ARSD: variants seen among roughly 807,000 people sequenced by gnomAD.
The protein encoded by ARSD is arylsulfatase D, also known as testis tissue sperm-binding protein Li 39a.
In ARSD, 21 loss-of-function variants were observed where a neutral mutation model predicts 32.6. The observed-to-expected ratio is 0.64, with a 90% CI of 0.46 to 0.93. The LOEUF is 0.93. ARSD is among the 40% of genes least tolerant of loss of function. ARSD has a pLI of 0.00. For missense variants in ARSD, 454 were observed against 520.9 expected (o/e 0.87, Z 1.25); for synonymous variants, 224 against 237.4 (o/e 0.94, Z 0.52).
rs762455762 is a variant in ARSD, at chrX:2,907,415, G to A, written c.1638C>T (p.Ala546=). The stretch of plus-strand genomic sequence containing the variant: ...GGGTCTGCCGATGCTCCGACACCGC[G>A]GCACCTACCCTTGCTATCACGGCGT... ...LYHAVIARVG[A]AVSEHRQTLS... Residue 546 remains alanine, a synonymous_variant, in exon 10 of 10, where the codon GCC becomes GCT. Coordinates refer to ENST00000381154, the MANE Select transcript of ARSD (RefSeq NM_001669.4). The A allele has an allele frequency of 1.2e-5, 15 of 1,210,563 alleles. No homozygotes were observed. The highest frequency in any genetic ancestry group is 4.4e-5 in the Admixed American group (2 of 45,897).
chrX:2,920,722 G>T lies in ARSD; in HGVS notation c.318C>A (p.Gly106=). The change falls in exon 4 of 10, where the codon GGC becomes GGA. Residue 106 remains glycine (G), a splice_region_variant and synonymous_variant. Coordinates refer to ENST00000381154, the MANE Select transcript of ARSD (RefSeq NM_001669.4). ...CCCGGTATCCATTGCTGGCGTCCAT[G>T]CCTGTGGGGCAGAGAAGACAGGAAG... The part of the protein sequence containing the change: ...FLTGRHSFRS[G]MDASNGYRAL... 1 of 1,210,506 alleles carries T rather than the reference G, an allele frequency of 8.3e-7. No homozygotes were observed. The highest frequency in any genetic ancestry group is 1.1e-6 in the Non-Finnish European group (1 of 894,801).
chrX:2,919,573 G>A (rs1480402527), intron 4 of ARSD, among the ~76,000 whole-genome samples: 2 of 111,808 alleles, frequency 1.8e-5, no homozygotes, highest in Admixed American at 9.5e-5. Context: ...AAGATTCCCC[G>A]TGGCTGGTGT....
At chrX:2,908,653 T>TCCAC in intron 9 of ARSD, 68 bp downstream of exon 9, 1 of 1,028,313 alleles carries the variant, frequency 9.7e-7, no homozygotes, top group Non-Finnish European at 1.3e-6. Context: ...CATCCATCCA[T>TCCAC]CCACATATCC....
chrX:2,928,543 G>A (rs1282919803), intron 1 of ARSD, among the ~76,000 whole-genome samples: 3 of 96,920 alleles, frequency 3.1e-5, no homozygotes, highest in Non-Finnish European at 4.2e-5. Flanking sequence ...AAGAGGCGGG[G>A]GGCGGGAAGG....
At chrX:2,917,774 T>C in intron 5 of ARSD, 30 bp downstream of exon 5, 4 of 1,181,194 alleles carry the variant, frequency 3.4e-6, no homozygotes, top group South Asian at 3.8e-5. Context: ...TCCGGCCCCA[T>C]CTCCTCTTTA....
rs2088843494 is a variant in ARSD at position 2,905,120 on chromosome X, G to A, written c.*2151C>T. The A allele has an allele frequency of 6.0e-6, 2 of 332,826 alleles. No homozygotes were observed. The highest frequency in any genetic ancestry group is 9.9e-5 in the East Asian group (1 of 10,090). The allele number at this position is 332,826 out of a possible 1,213,427, so 27.4% of individuals were successfully genotyped here. Reference sequence around the variant, plus strand: ...AGGGGCATCAGCTGCCTGGTTAGCAGGGCTGTGATGATTCTTCTACCTATG... The same window carrying A: ...AGGGGCATCAGCTGCCTGGTTAGCAAGGCTGTGATGATTCTTCTACCTATG... On this transcript the variant is annotated 3_prime_UTR_variant, in exon 10 of 10. Coordinates refer to ENST00000381154, the MANE Select transcript of ARSD (RefSeq NM_001669.4).
chrX:2,914,196 A>G, intron 6 of ARSD: 1 of 757,378 alleles, frequency 1.3e-6, no homozygotes, highest in Non-Finnish European at 1.6e-6. Context: ...AATAAATGAT[A>G]TGAGAGAAGT....
At chrX:2,919,690 G>A (rs1057139568) in intron 4 of ARSD, among the ~76,000 whole-genome samples, 5 of 111,570 alleles carry the variant, frequency 4.5e-5, no homozygotes, top group African/African-American at 1.6e-4. Flanking sequence ...ACCTCCTTTG[G>A]TTCTGGGAGT....
chrX:2,914,893 G>C (rs911238519), intron 6 of ARSD: 3 of 908,713 alleles, frequency 3.3e-6, no homozygotes, highest in Non-Finnish European at 4.3e-6. Context: ...TATTATTAAA[G>C]AGACAGGGTC....
At chrX:2,913,160 G>T (rs2088916523) in intron 6 of ARSD, among the ~76,000 whole-genome samples, 1 of 111,916 alleles carries the variant, frequency 8.9e-6, no homozygotes, top group Admixed American at 9.5e-5. Context: ...GGAACAACTG[G>T]AAGTGGGGAA....
intron 2 of ARSD, among the ~76,000 whole-genome samples, chrX:2,924,899 G>A (rs1477713148): frequency 4.6e-5 from 5 of 107,811 alleles, no homozygotes; most frequent in African/African-American, 1.0e-4. Flanking sequence ...GGCAGGAAGG[G>A]TCCTCCCCTA....
Position 2,921,945 on chromosome X carries a change from T to C in ARSD, c.274A>G (p.Ser92Gly). 8.3e-7 allele frequency: 1 copy of C among 1,211,551 alleles called. No individual in the cohort carries two copies. Among genetic ancestry groups the C allele is most frequent in the South Asian group, 1.8e-5 (1 of 56,979 alleles). ...CTCCCTGTGAGGAATGCAGCTCGGCTTGGGGTGCAGAGCGGGGCGGCCGCC... is the reference window on the plus strand; with the variant it reads ...CTCCCTGTGAGGAATGCAGCTCGGCCTGGGGTGCAGAGCGGGGCGGCCGCC... ...HLAAAPLCTP[S>G]RAAFLTGRHS... Residue 92 changes from serine (S) to glycine (G), a missense_variant, in exon 3 of 10, where the codon AGC (serine) becomes GGC (glycine). Transcript: ENST00000381154.
intron 6 of ARSD, chrX:2,914,441 T>A: frequency 5.2e-6 from 3 of 577,283 alleles, no homozygotes; most frequent in Non-Finnish European, 6.6e-6. Context: ...CGTCTCACTA[T>A]GTTGCCCAGG....
intron 9 of ARSD, among the ~76,000 whole-genome samples, chrX:2,908,138 TCTAC>T (rs200323979): frequency 3.0e-3 from 339 of 111,588 alleles, no homozygotes; most frequent in Middle Eastern, 0.014. Context: ...CGATCATCTA[TCTAC>T]CTACCTATCA....
intron 9 of ARSD, chrX:2,908,016 G>T: frequency 1.4e-6 from 1 of 723,968 alleles, no homozygotes; most frequent in Non-Finnish European, 1.7e-6. Context: ...ATTTTAAACA[G>T]CATGATTGGG....
chrX:2,909,803 T>C lies in ARSD; in HGVS notation c.1298+14A>G. 8.6e-7 allele frequency: 1 copy of C among 1,161,845 alleles called. No individual in the cohort carries two copies. The highest frequency in any genetic ancestry group is 1.2e-6 in the Non-Finnish European group (1 of 869,213). On this transcript the variant is annotated intron_variant, in intron 8 of 9. Coordinates refer to ENST00000381154, the MANE Select transcript of ARSD (RefSeq NM_001669.4). ...AAAAAAAATCAGGGAACAGGCAGCCTTATCTCCACGTACCTGTCCTGGGGC... is the reference window on the plus strand; with the variant it reads ...AAAAAAAATCAGGGAACAGGCAGCCCTATCTCCACGTACCTGTCCTGGGGC...
At chrX:2,909,242 T>C (rs996408048) in intron 8 of ARSD, among the ~76,000 whole-genome samples, 4 of 109,695 alleles carry the variant, frequency 3.6e-5, no homozygotes, top group Admixed American at 1.9e-4. Flanking sequence ...CAGGCTGCAG[T>C]GCAGTGGCAC....
At chrX:2,922,589 C>G (rs1369088213) in intron 2 of ARSD, among the ~76,000 whole-genome samples, 2 of 109,570 alleles carry the variant, frequency 1.8e-5, no homozygotes, top group African/African-American at 6.6e-5. Context: ...AATCTCAACT[C>G]TTTGGGAGGC....
intron 1 of ARSD, 145 bp downstream of exon 1, chrX:2,929,087 T>G: frequency 1.9e-6 from 1 of 523,637 alleles, no homozygotes; most frequent in Non-Finnish European, 2.7e-6. Context: ...CCAGCTACAT[T>G]TTGGAGACTA....
Sources: allele counts gnomAD v4.1 joint callset (sites outside exome capture counted in the v4.1 genomes callset), GRCh38; gene constraint gnomAD v4.1.1; transcripts MANE v1.5; gene names NCBI Gene and HGNC (gene_info 2026-07-23, HGNC 2026-07-21).